DPP10: variants seen among roughly 807,000 people sequenced by gnomAD.
DPP10 encodes inactive dipeptidyl peptidase 10.
Under a neutral mutation model 120.9 loss-of-function variants are expected in DPP10, and 33 were observed. The ratio of observed to expected loss-of-function variants is 0.27; its 90% confidence interval spans 0.21 to 0.37. The LOEUF (loss-of-function observed/expected upper bound fraction) is 0.37. Among genes scored for constraint, DPP10 ranks in the 10% least tolerant of loss-of-function variants. The pLI is 1.00. For missense variants in DPP10, 816 were observed against 942.8 expected (o/e 0.87, Z 1.76); for synonymous variants, 337 against 326.1 (o/e 1.03, Z -0.36).
chr2:115,617,467 T>C (rs2084609926), intron 5 of DPP10, among the ~76,000 whole-genome samples: 1 of 151,608 alleles, frequency 6.6e-6, no homozygotes, highest in Non-Finnish European at 1.5e-5. Flanking sequence ...TACATATATG[T>C]ATGCATAACA....
chr2:115,506,753 TATCA>T (rs1377156883), intron 4 of DPP10, among the ~76,000 whole-genome samples: 1 of 152,154 alleles, frequency 6.6e-6, no homozygotes, highest in Non-Finnish European at 1.5e-5. Flanking sequence ...TATCTATATC[TATCA>T]ATCAATCAAC....
chr2:115,508,860 G>A lies in DPP10; in HGVS notation c.366+9256G>A, dbSNP rs890094387. ...GGAGGTTGCAGTGAGCTGAGATAGCGCCACTGCACTACAGCCTGGCAACAG... is the reference window on the plus strand; with the variant it reads ...GGAGGTTGCAGTGAGCTGAGATAGCACCACTGCACTACAGCCTGGCAACAG... On this transcript the variant is annotated intron_variant, in intron 4 of 25. Transcript: ENST00000410059. 4.6e-5 allele frequency among the ~76,000 whole-genome samples: 7 copies of A among 152,140 alleles called. 1 individual carries two copies. Among genetic ancestry groups the A allele is most frequent in the Middle Eastern group, 6.3e-3 (2 of 316 alleles).
intron 1 of DPP10, among the ~76,000 whole-genome samples, chr2:114,607,452 A>G (rs1309009039): frequency 6.6e-6 from 1 of 152,198 alleles, no homozygotes; most frequent in African/African-American, 2.4e-5. Flanking sequence ...GAAAATGTTC[A>G]TTCATGGACC....
At chr2:115,332,626 G>C (rs952705038) in intron 2 of DPP10, among the ~76,000 whole-genome samples, 7 of 151,874 alleles carry the variant, frequency 4.6e-5, no homozygotes, top group Non-Finnish European at 7.4e-5. Context: ...TATGTTGTGT[G>C]TTTGTTCTCA....
intron 10 of DPP10, among the ~76,000 whole-genome samples, chr2:115,751,323 C>G (rs113581540): frequency 6.6e-6 from 1 of 152,076 alleles, no homozygotes; most frequent in Non-Finnish European, 1.5e-5. Context: ...TCGGCTTAAA[C>G]GAAACACAGT....
chr2:115,628,511 C>G (rs999498898), intron 5 of DPP10, among the ~76,000 whole-genome samples: 1 of 152,078 alleles, frequency 6.6e-6, no homozygotes. Context: ...TGCAGAAGCT[C>G]TTTAGTTTAA....
chr2:114,659,782 G>A (rs1253768716), intron 1 of DPP10, among the ~76,000 whole-genome samples: 1 of 152,116 alleles, frequency 6.6e-6, no homozygotes, highest in Admixed American at 6.5e-5. Flanking sequence ...TAAATCCAAT[G>A]TCTAGTTTTG....
chr2:114,875,872 G>T (rs1691107429), intron 1 of DPP10, among the ~76,000 whole-genome samples: 1 of 151,902 alleles, frequency 6.6e-6, no homozygotes, highest in Admixed American at 6.6e-5. Context: ...AATAGACAAG[G>T]GCATCTTTAG....
intron 3 of DPP10, among the ~76,000 whole-genome samples, chr2:115,417,750 ACTT>A (rs2069561954): frequency 6.6e-6 from 1 of 152,142 alleles, no homozygotes; most frequent in South Asian, 2.1e-4. Context: ...ATGATACCTC[ACTT>A]CTTCTCCTAT....
At chr2:114,462,511 T>G (rs991887884) in intron 1 of DPP10, among the ~76,000 whole-genome samples, 1 of 151,990 alleles carries the variant, frequency 6.6e-6, no homozygotes, top group African/African-American at 2.4e-5. Flanking sequence ...CTCAAGTCGA[T>G]TTTGTCTGAT....
At position 115,531,148 on chromosome 2, in the gene DPP10, GT is replaced by G. The variant is rs58542777; in HGVS notation, c.441+5191del. Among the ~76,000 whole-genome samples, 285 of 125,850 alleles carry G rather than the reference GT, an allele frequency of 2.3e-3. 2 individuals carry two copies. The highest frequency in any genetic ancestry group is 8.4e-3 in the Middle Eastern group (2 of 238). 82.6% of individuals were successfully genotyped at this position (125,850 alleles called of 152,430 possible). ...CTTACCTAATATGATTCAAGATTGA[GT>G]TTTTTTTTTTTTTTCCTGAAACAGT... is the stretch of plus-strand genomic sequence containing the variant. On this transcript the variant is annotated intron_variant, in intron 5 of 25. Coordinates refer to ENST00000410059, the MANE Select transcript of DPP10 (RefSeq NM_020868.6).
intron 1 of DPP10, among the ~76,000 whole-genome samples, chr2:114,926,850 A>AC (rs569830729): frequency 2.2e-5 from 3 of 136,574 alleles, no homozygotes; most frequent in African/African-American, 8.2e-5. Context: ...GGAAGATACA[A>AC]TTTTTTTTTT....
At chr2:114,650,880 A>G (rs1573886301) in intron 1 of DPP10, among the ~76,000 whole-genome samples, 4 of 152,286 alleles carry the variant, frequency 2.6e-5, no homozygotes, top group African/African-American at 9.6e-5. Context: ...GCCTTGGTAC[A>G]TACTCTTTTT....
At chr2:115,013,583 G>A (rs1702415031) in intron 1 of DPP10, among the ~76,000 whole-genome samples, 1 of 146,192 alleles carries the variant, frequency 6.8e-6, no homozygotes, top group Non-Finnish European at 1.5e-5. Flanking sequence ...GTATTTAGGA[G>A]ACTCATCTCA....
chr2:114,476,531 G>A (rs1411514499), intron 1 of DPP10, among the ~76,000 whole-genome samples: 1 of 152,100 alleles, frequency 6.6e-6, no homozygotes, highest in Non-Finnish European at 1.5e-5. Flanking sequence ...AAAAAATATG[G>A]TGGCTCTTTT....
At chr2:114,853,363 A>G (rs192157463) in intron 1 of DPP10, among the ~76,000 whole-genome samples, 1 of 152,182 alleles carries the variant, frequency 6.6e-6, no homozygotes, top group African/African-American at 2.4e-5. Flanking sequence ...ACTATGATAT[A>G]CATCAGCAAG....
chr2:115,314,301 A>G (rs940131067), intron 2 of DPP10, among the ~76,000 whole-genome samples: 1 of 152,190 alleles, frequency 6.6e-6, no homozygotes, highest in Non-Finnish European at 1.5e-5. Flanking sequence ...CTGTGTCTGT[A>G]ATCGGTCAAT....
At chr2:115,762,723 C>A in intron 12 of DPP10, 113 bp downstream of exon 12, 1 of 1,177,402 alleles carries the variant, frequency 8.5e-7, no homozygotes, top group Non-Finnish European at 1.2e-6. Context: ...CTAGGTTTGA[C>A]AGAGTGATCC....
chr2:114,507,344 C>T (rs1043003162), intron 1 of DPP10, among the ~76,000 whole-genome samples: 1 of 152,126 alleles, frequency 6.6e-6, no homozygotes, highest in African/African-American at 2.4e-5. Context: ...TCACTATGGC[C>T]AGCCTTCAGT....
Sources: gnomAD v4.1 joint callset for allele counts (sites outside exome capture counted in the v4.1 genomes callset) on GRCh38, gnomAD v4.1.1 for gene constraint, MANE v1.5 for transcripts, NCBI Gene and HGNC (gene_info 2026-07-23, HGNC 2026-07-21) for gene names.